NRXN1: variants seen among roughly 807,000 people sequenced by gnomAD.
The protein encoded by NRXN1 is neurexin-1.
Under a neutral mutation model 150.9 loss-of-function variants are expected in NRXN1, and 39 were observed. The observed-to-expected ratio is 0.26, with a 90% CI of 0.20 to 0.34. The LOEUF is 0.34. NRXN1 is among the 10% of genes least tolerant of loss of function. The pLI, the probability that NRXN1 is intolerant of heterozygous loss-of-function variation, is 1.00. For missense variants in NRXN1, 1,815 were observed against 1,949.9 expected, an observed-to-expected ratio of 0.93 and a Z score of 1.30; for synonymous variants, 924 against 757.0, an observed-to-expected ratio of 1.22 and a Z score of -3.62.
intron 17 of NRXN1, among the ~76,000 whole-genome samples, chr2:50,378,253 T>G (rs1022497701): frequency 1.3e-4 from 20 of 152,186 alleles, no homozygotes. Context: ...AGCAACTCCA[T>G]GAGAATTTAC....
At chr2:50,874,973 G>A (rs1301012091) in intron 5 of NRXN1, among the ~76,000 whole-genome samples, 1 of 151,782 alleles carries the variant, frequency 6.6e-6, no homozygotes, top group Non-Finnish European at 1.5e-5. Context: ...ATGTAAAAAA[G>A]CCCCATCAGT....
chr2:50,036,984 T>C (rs1049269761), intron 21 of NRXN1, among the ~76,000 whole-genome samples: 3 of 152,286 alleles, frequency 2.0e-5, no homozygotes, highest in Middle Eastern at 3.4e-3. Context: ...CACAGAATTA[T>C]GAGCTAAATA....
At chr2:50,458,589 T>G (rs1302717415) in intron 17 of NRXN1, among the ~76,000 whole-genome samples, 1 of 152,016 alleles carries the variant, frequency 6.6e-6, no homozygotes, top group Non-Finnish European at 1.5e-5. Flanking sequence ...ATAATTTTTT[T>G]TTTTTTTGAG....
At chr2:49,956,706 C>T (rs965746183) in intron 21 of NRXN1, among the ~76,000 whole-genome samples, 1 of 152,038 alleles carries the variant, frequency 6.6e-6, no homozygotes, top group Non-Finnish European at 1.5e-5. Context: ...TATATGATTC[C>T]ATAAGTCAAA....
chr2:50,991,751 G>A (rs1002056538), intron 2 of NRXN1, among the ~76,000 whole-genome samples: 4 of 151,904 alleles, frequency 2.6e-5, no homozygotes, highest in African/African-American at 9.7e-5. Context: ...GCGATTCAAG[G>A]AGCACGTTCT....
chr2:50,431,356 T>G (rs1434182567), intron 17 of NRXN1, among the ~76,000 whole-genome samples: 2 of 152,144 alleles, frequency 1.3e-5, no homozygotes, highest in Non-Finnish European at 2.9e-5. Flanking sequence ...CCAAGATACT[T>G]TAAAAACTCC....
intron 18 of NRXN1, 124 bp from the exon 19 acceptor site, chr2:50,091,618 T>C: frequency 9.9e-7 from 1 of 1,013,708 alleles, no homozygotes. Context: ...CCAATTTTAC[T>C]TCTGAAAAAC....
intron 2 of NRXN1, among the ~76,000 whole-genome samples, chr2:51,015,019 C>G (rs370070006): frequency 6.6e-6 from 1 of 152,012 alleles, no homozygotes; most frequent in Non-Finnish European, 1.5e-5. Context: ...CTTTTCCTTC[C>G]TATTTCCCTT....
At chr2:50,443,897 A>C (rs2086180310) in intron 17 of NRXN1, among the ~76,000 whole-genome samples, 1 of 152,184 alleles carries the variant, frequency 6.6e-6, no homozygotes, top group Non-Finnish European at 1.5e-5. Flanking sequence ...GCCATTTGGA[A>C]ATTTAAAAAT....
intron 17 of NRXN1, among the ~76,000 whole-genome samples, chr2:50,462,846 A>AT (rs1227390187): frequency 6.6e-6 from 1 of 151,756 alleles, no homozygotes; most frequent in East Asian, 1.9e-4. Flanking sequence ...ATATAAATAC[A>AT]TTTTTTCTAG....
chr2:50,185,695 G>C (rs1404685572), intron 18 of NRXN1: 2 of 152,092 alleles, frequency 1.3e-5, no homozygotes, highest in East Asian at 3.9e-4. Context: ...CTGCATCCTT[G>C]AATCATCACA....
chr2:50,063,547 G>GACACACACACACACACACACAC, intron 19 of NRXN1, among the ~76,000 whole-genome samples: 1 of 137,598 alleles, frequency 7.3e-6, no homozygotes, highest in African/African-American at 2.7e-5. Context: ...CACCTCAACA[G>GACACACACACACACACACACAC]ACACACACAC....
At chr2:50,711,955 C>T (rs1201975911) in intron 5 of NRXN1, among the ~76,000 whole-genome samples, 3 of 152,048 alleles carry the variant, frequency 2.0e-5, no homozygotes, top group Non-Finnish European at 4.4e-5. Flanking sequence ...TGCCAGTCCC[C>T]AGAGCTGTGA....
chr2:50,252,337 CA>C, intron 17 of NRXN1, among the ~76,000 whole-genome samples: 1 of 144,906 alleles, frequency 6.9e-6, no homozygotes, highest in South Asian at 2.2e-4. Context: ...TGGCTCACTG[CA>C]ACCTCTGTCT....
chr2:50,162,105 C>T (rs1160462213), intron 18 of NRXN1, among the ~76,000 whole-genome samples: 1 of 152,098 alleles, frequency 6.6e-6, no homozygotes, highest in Non-Finnish European at 1.5e-5. Context: ...AACTCAGCAG[C>T]AAATTGGTTA....
chr2:50,175,623 T>G (rs1026317854), intron 18 of NRXN1, among the ~76,000 whole-genome samples: 3 of 151,692 alleles, frequency 2.0e-5, no homozygotes, highest in African/African-American at 7.3e-5. Context: ...TATATATATA[T>G]AGCATGCATA....
intron 2 of NRXN1, chr2:51,026,576 T>C: frequency 1.4e-6 from 1 of 700,328 alleles, no homozygotes; most frequent in Non-Finnish European, 2.5e-6. Flanking sequence ...ACTACCCAGA[T>C]AAATGTCATT....
At chr2:50,251,494 G>A (rs1384110140) in intron 17 of NRXN1, among the ~76,000 whole-genome samples, 1 of 152,074 alleles carries the variant, frequency 6.6e-6, no homozygotes, top group Non-Finnish European at 1.5e-5. Context: ...TTAACGTTAA[G>A]TGTACGTGTA....
intron 5 of NRXN1, among the ~76,000 whole-genome samples, chr2:50,838,944 T>G (rs1185202454): frequency 6.6e-6 from 1 of 151,952 alleles, no homozygotes; most frequent in Non-Finnish European, 1.5e-5. Flanking sequence ...GCCAAAACAC[T>G]GAGGTGAAAA....
Sources: gnomAD v4.1 joint callset for allele counts (sites outside exome capture counted in the v4.1 genomes callset) on GRCh38, gnomAD v4.1.1 for gene constraint, MANE v1.5 for transcripts, NCBI Gene and HGNC (gene_info 2026-07-23, HGNC 2026-07-21) for gene names.